MAPK10: variants seen among roughly 807,000 people sequenced by gnomAD.
MAPK10 encodes JNK3 alpha protein kinase.
Under a neutral mutation model 59.3 loss-of-function variants are expected in MAPK10, and 25 were observed. That is an observed-to-expected ratio of 0.42 (90% CI 0.31 to 0.59). The LOEUF (loss-of-function observed/expected upper bound fraction) is 0.59, where lower values mean the gene tolerates loss of function less well. Among genes scored for constraint, MAPK10 ranks in the 20% least tolerant of loss-of-function variants. The pLI is 0.15. For synonymous variants in MAPK10, 190 were observed against 200.5 expected (o/e 0.95, Z 0.44); for missense variants, 351 against 568.9 (o/e 0.62, Z 3.90).
intron 1 of MAPK10, among the ~76,000 whole-genome samples, chr4:86,528,762 C>T (rs1006458866): frequency 6.6e-6 from 1 of 152,168 alleles, no homozygotes; most frequent in South Asian, 2.1e-4. Flanking sequence ...TCCTGGTGAA[C>T]GGTAACCCCC....
At chr4:86,208,582 A>T (rs926878027) in intron 2 of MAPK10, among the ~76,000 whole-genome samples, 2 of 151,914 alleles carry the variant, frequency 1.3e-5, no homozygotes, top group Non-Finnish European at 2.9e-5. Flanking sequence ...TATTGATGGG[A>T]CGTATCTCAA....
chr4:86,070,470 C>T (rs1227223123), intron 9 of MAPK10, among the ~76,000 whole-genome samples: 6 of 150,864 alleles, frequency 4.0e-5, no homozygotes, highest in African/African-American at 1.5e-4. Context: ...ATACATGTGC[C>T]ATGCTGGTGC....
chr4:86,413,389 G>C (rs935605706), intron 1 of MAPK10, among the ~76,000 whole-genome samples: 2 of 152,212 alleles, frequency 1.3e-5, no homozygotes, highest in African/African-American at 4.8e-5. Flanking sequence ...GAGGCAGTCT[G>C]TCCAATCTTG....
Position 86,075,127 on chromosome 4 carries a change from G to A in MAPK10, c.803-7172C>T, listed in dbSNP as rs960406188. Among the ~76,000 whole-genome samples the A allele has an allele frequency of 2.8e-3, 424 of 151,188 alleles. 1 individual carries two copies. Among genetic ancestry groups the A allele is most frequent in the African/African-American group, 9.5e-3 (392 of 41,120 alleles). On this transcript the variant is annotated intron_variant, in intron 9 of 13. Transcript: ENST00000641462. ...CTTTTTTCTCTAAACTTCCCTTCTC[G>A]CTTCATTTCATTCATTTCATCTTCC...
chr4:86,151,079 A>G (rs902274061), intron 4 of MAPK10, among the ~76,000 whole-genome samples: 7 of 152,188 alleles, frequency 4.6e-5, no homozygotes, highest in African/African-American at 1.7e-4. Flanking sequence ...CAAGACAGAC[A>G]AAAACTAATA....
chr4:86,370,534 G>T (rs1307767770), intron 1 of MAPK10, among the ~76,000 whole-genome samples: 1 of 151,982 alleles, frequency 6.6e-6, no homozygotes, highest in South Asian at 2.1e-4. Flanking sequence ...TCTGAGAAAT[G>T]GTCACCATCA....
rs535515584 is a variant in MAPK10, at chr4:86,044,563, G to T, written c.1111-13132C>A. 2.6e-5 allele frequency: 10 copies of T among 392,106 alleles called. No homozygotes were observed. In the Admixed American group the frequency reaches 4.4e-4, roughly 17 times the overall value. The allele number at this position is 392,106 out of a possible 1,614,324, so 24.3% of individuals were successfully genotyped here. A position where few individuals can be genotyped will look rare whatever the true frequency, so the allele number is the denominator to read the frequency against. On this transcript the variant is annotated intron_variant, in intron 11 of 13. Transcript: ENST00000641462. Reference sequence around the variant, plus strand: ...GGTGATTTTCTCTCAATCTTTAATGGCATCTAGTTCTTGGTAGAATACAAT... The same window carrying T: ...GGTGATTTTCTCTCAATCTTTAATGTCATCTAGTTCTTGGTAGAATACAAT...
intron 1 of MAPK10, among the ~76,000 whole-genome samples, chr4:86,506,594 T>G (rs1237463592): frequency 6.6e-6 from 1 of 152,106 alleles, no homozygotes; most frequent in African/African-American, 2.4e-5. Flanking sequence ...AATAGTTTAT[T>G]TGAAAGGGGG....
At chr4:86,162,111 C>CA (rs1296204418) in intron 3 of MAPK10, among the ~76,000 whole-genome samples, 1 of 150,524 alleles carries the variant, frequency 6.6e-6, no homozygotes, top group African/African-American at 2.4e-5. Context: ...AAAATATAAC[C>CA]AAAAAAAGAT....
At chr4:86,157,255 A>G (rs1245431236) in intron 4 of MAPK10, among the ~76,000 whole-genome samples, 1 of 151,994 alleles carries the variant, frequency 6.6e-6, no homozygotes, top group Non-Finnish European at 1.5e-5. Context: ...AGGAGGATGG[A>G]GATTCTATGA....
chr4:86,104,883 T>C (rs2056255581), intron 5 of MAPK10, among the ~76,000 whole-genome samples: 1 of 152,118 alleles, frequency 6.6e-6, no homozygotes, highest in Admixed American at 6.6e-5. Context: ...TTGTAAATTC[T>C]AATTCCTACC....
chr4:86,024,298 C>T (rs1749037608), intron 13 of MAPK10: 1 of 152,134 alleles, frequency 6.6e-6, no homozygotes, highest in South Asian at 2.1e-4. Flanking sequence ...AAATTTATAT[C>T]TACAAATAAT....
At chr4:86,518,685 GTTCTTTGAGATGTGAGC>G (rs1756895775) in intron 1 of MAPK10, among the ~76,000 whole-genome samples, 1 of 147,348 alleles carries the variant, frequency 6.8e-6, no homozygotes, top group Non-Finnish European at 1.5e-5. Flanking sequence ...TGTTTCTCTA[GTTCTTTGAGATGTGAGC>G]TTAGATTGTC....
chr4:86,038,602 A>G (rs1343759804), intron 11 of MAPK10, among the ~76,000 whole-genome samples: 1 of 152,142 alleles, frequency 6.6e-6, no homozygotes, highest in Non-Finnish European at 1.5e-5. Flanking sequence ...ATTTTCACCA[A>G]TTAATTAGAA....
At chr4:86,178,736 T>G (rs548981109) in intron 3 of MAPK10, among the ~76,000 whole-genome samples, 1 of 152,214 alleles carries the variant, frequency 6.6e-6, no homozygotes, top group Non-Finnish European at 1.5e-5. Flanking sequence ...AAGGAAGAAG[T>G]CAAGTTGTCC....
intron 1 of MAPK10, among the ~76,000 whole-genome samples, chr4:86,409,017 G>C (rs551781305): frequency 6.6e-6 from 1 of 152,210 alleles, no homozygotes; most frequent in African/African-American, 2.4e-5. Context: ...TTTTCTTCTA[G>C]GGTTTTTATG....
At chr4:86,157,252 T>C (rs1216379316) in intron 4 of MAPK10, among the ~76,000 whole-genome samples, 1 of 151,942 alleles carries the variant, frequency 6.6e-6, no homozygotes. Context: ...GTTAGGAGGA[T>C]GGAGATTCTA....
intron 1 of MAPK10, among the ~76,000 whole-genome samples, chr4:86,582,432 C>G (rs1565076155): frequency 1.3e-5 from 2 of 152,112 alleles, no homozygotes; most frequent in Admixed American, 1.3e-4. Flanking sequence ...TTGCACATAT[C>G]TTGCAAATAT....
At chr4:86,272,367 A>G (rs1356580372) in intron 2 of MAPK10, among the ~76,000 whole-genome samples, 3 of 152,024 alleles carry the variant, frequency 2.0e-5, no homozygotes, top group African/African-American at 7.2e-5. Context: ...CTCCTTTATA[A>G]TTAATTCCTC....
Sources: allele counts gnomAD v4.1 joint callset (sites outside exome capture counted in the v4.1 genomes callset), GRCh38; gene constraint gnomAD v4.1.1; transcripts MANE v1.5; gene names NCBI Gene and HGNC (gene_info 2026-07-23, HGNC 2026-07-21).